ACACA: variants seen among roughly 807,000 people sequenced by gnomAD.
The protein encoded by ACACA is acetyl-CoA carboxylase alpha, also known as acetyl-CoA carboxylase 1.
A neutral mutation model predicts 296.1 loss-of-function variants in ACACA; 103 were observed. The ratio of observed to expected loss-of-function variants is 0.35; its 90% CI spans 0.30 to 0.41. The LOEUF (loss-of-function observed/expected upper bound fraction) is 0.41, where lower values mean the gene tolerates loss of function less well. Ranked by LOEUF, ACACA falls within the 10% of genes least tolerant of loss-of-function variation. The pLI is 1.00. For missense variants in ACACA, 1,554 were observed against 2,989.7 expected, an observed-to-expected ratio of 0.52 and a Z score of 11.20; for synonymous variants, 953 against 1,038.6, an observed-to-expected ratio of 0.92 and a Z score of 1.58.
intron 20 of ACACA, 96 bp from the exon 21 acceptor site, chr17:37,244,830 A>G: frequency 6.5e-7 from 1 of 1,535,366 alleles, no homozygotes; most frequent in Admixed American, 1.7e-5. Context: ...AAATCGAGAC[A>G]TCATACCCAG....
rs563421624 is a variant in ACACA, at chr17:37,203,108, C to T, written c.4057-2625G>A. On this transcript the variant is annotated intron_variant, in intron 33 of 55. Coordinates refer to ENST00000616317, the MANE Select transcript of ACACA (RefSeq NM_198834.3). Reference sequence around the variant, plus strand: ...ACCCGAGTAGCTGGCGCTACAGGCGCCCGCCACCACACCTGGCTAATTTTT... The same window carrying T: ...ACCCGAGTAGCTGGCGCTACAGGCGTCCGCCACCACACCTGGCTAATTTTT... 6.9e-3 allele frequency among the ~76,000 whole-genome samples: 1,054 copies of T among 152,022 alleles called. 3 individuals carry two copies. The highest frequency in any genetic ancestry group is 0.017 in the South Asian group (81 of 4,814).
At chr17:37,325,639 T>C (rs2047584389) in intron 3 of ACACA, among the ~76,000 whole-genome samples, 1 of 140,058 alleles carries the variant, frequency 7.1e-6, no homozygotes, top group Admixed American at 7.6e-5. Context: ...AATGGCATGA[T>C]CTCGGCTCAC....
At chr17:37,274,333 A>G (rs2082188169) in intron 8 of ACACA, 34 bp from the exon 9 acceptor site, 2 of 1,550,398 alleles carry the variant, frequency 1.3e-6, no homozygotes, top group East Asian at 2.2e-5. Context: ...GGGCAATTAC[A>G]AGATCTTCTG....
chr17:37,298,336 T>G (rs1490372077), intron 3 of ACACA, among the ~76,000 whole-genome samples: 8 of 152,156 alleles, frequency 5.3e-5, no homozygotes, highest in African/African-American at 1.4e-4. Context: ...TAGTTTAACT[T>G]TCAGTAATTT....
Position 37,225,094 on chromosome 17 carries a change from G to A in ACACA, c.3372C>T (p.Ala1124=), listed in dbSNP as rs746020706. Reference sequence around the variant, plus strand: ...GAAGCTCATATGATGGCAAATGGGAGGCAATAAGAACCTAGAGTGAGAACA... The same window carrying A: ...GAAGCTCATATGATGGCAAATGGGAAGCAATAAGAACCTAGAGTGAGAACA... The part of the protein sequence containing the change: ...VALRARQVLI[A]SHLPSYELRH... Residue 1124 remains alanine (A), a synonymous_variant, in exon 27 of 56, where the codon GCC becomes GCT. Transcript: ENST00000616317. The A allele has an allele frequency of 1.9e-6, 3 of 1,606,718 alleles. No homozygotes were observed. Among genetic ancestry groups the A allele is most frequent in the Admixed American group, 3.3e-5 (2 of 59,960 alleles).
At chr17:37,245,015 G>T in intron 20 of ACACA, 65 bp downstream of exon 20, 2 of 1,607,236 alleles carry the variant, frequency 1.2e-6, no homozygotes, top group Non-Finnish European at 1.7e-6. Context: ...GAAATCACTT[G>T]CCTCTCCAAA....
chr17:37,244,058 C>T (rs966307371), intron 21 of ACACA, among the ~76,000 whole-genome samples: 1 of 151,982 alleles, frequency 6.6e-6, no homozygotes, highest in African/African-American at 2.4e-5. Context: ...CCCCTATTCT[C>T]CAGTTTAAAA....
intron 47 of ACACA, among the ~76,000 whole-genome samples, chr17:37,128,710 A>G (rs1231133647): frequency 6.6e-6 from 1 of 152,226 alleles, no homozygotes; most frequent in Non-Finnish European, 1.5e-5. Flanking sequence ...AAGTTAGGTA[A>G]AAGACAAAGC....
chr17:37,094,028 CT>C (rs2072816285), intron 54 of ACACA, among the ~76,000 whole-genome samples: 1 of 152,172 alleles, frequency 6.6e-6, no homozygotes, highest in South Asian at 2.1e-4. Context: ...ATAAATCAGC[CT>C]GTTTGAAAAA....
chr17:37,128,023 T>TA (rs2074890198), intron 47 of ACACA, among the ~76,000 whole-genome samples: 7 of 22,530 alleles, frequency 3.1e-4, no homozygotes, highest in Admixed American at 6.3e-4. Context: ...AAACTCCATC[T>TA]CAAAAAAAAA....
chr17:37,314,795 C>T (rs1453246146), intron 3 of ACACA, among the ~76,000 whole-genome samples: 1 of 151,454 alleles, frequency 6.6e-6, no homozygotes, highest in Non-Finnish European at 1.5e-5. Flanking sequence ...TACATGTCCC[C>T]ATGCCCGGGT....
At chr17:37,116,900 C>G (rs2074283300) in intron 50 of ACACA, among the ~76,000 whole-genome samples, 1 of 152,198 alleles carries the variant, frequency 6.6e-6, no homozygotes, top group African/African-American at 2.4e-5. Context: ...AAGCTATGCA[C>G]GTGCTGTCAA....
chr17:37,164,452 A>C (rs976413938), intron 41 of ACACA, among the ~76,000 whole-genome samples: 5 of 152,230 alleles, frequency 3.3e-5, no homozygotes, highest in African/African-American at 1.2e-4. Flanking sequence ...TAAGCTATTT[A>C]ATATATCATA....
At chr17:37,246,674 C>T in intron 19 of ACACA, 152 bp downstream of exon 19, 1 of 1,025,256 alleles carries the variant, frequency 9.8e-7, no homozygotes, top group Non-Finnish European at 1.5e-6. Context: ...CTCAAGCGAT[C>T]TTCCTGCCTC....
chr17:37,286,371 T>C (rs895544681), intron 3 of ACACA, among the ~76,000 whole-genome samples: 3 of 152,206 alleles, frequency 2.0e-5, no homozygotes, highest in Non-Finnish European at 4.4e-5. Context: ...GTGTTCTCTT[T>C]GTAAAATATG....
Position 37,240,459 on chromosome 17 carries a change from C to T in ACACA, c.3121+17G>A. On this transcript the variant is annotated intron_variant, in intron 24 of 55. Transcript: ENST00000616317. ...TCAAGGCTTTCTTAGCTAGAGAGTC[C>T]TCAGGAAGAGGCTTACCATTCTGGA... 6.2e-7 allele frequency: 1 copy of T among 1,611,530 alleles called. No individual in the cohort carries two copies. The highest frequency in any genetic ancestry group is 8.5e-7 in the Non-Finnish European group (1 of 1,178,816).
At chr17:37,149,996 C>T (rs769973807) in intron 44 of ACACA, 22 bp from the exon 45 acceptor site, 1 of 1,601,632 alleles carries the variant, frequency 6.2e-7, no homozygotes, top group East Asian at 2.2e-5. Flanking sequence ...ATAAATTCTA[C>T]ATGTCACATA....
At chr17:37,182,137 T>C (rs1034014674) in intron 39 of ACACA, among the ~76,000 whole-genome samples, 2 of 151,966 alleles carry the variant, frequency 1.3e-5, no homozygotes, top group Admixed American at 1.3e-4. Context: ...AGATCAAGAC[T>C]CTAGTATATC....
intron 41 of ACACA, among the ~76,000 whole-genome samples, chr17:37,174,139 G>A (rs887365258): frequency 2.0e-5 from 3 of 146,368 alleles, no homozygotes; most frequent in African/African-American, 7.6e-5. Flanking sequence ...GGGATTACAG[G>A]CATGCGCCAC....
Sources: gnomAD v4.1 joint callset for allele counts (sites outside exome capture counted in the v4.1 genomes callset) on GRCh38, gnomAD v4.1.1 for gene constraint, MANE v1.5 for transcripts, NCBI Gene and HGNC (gene_info 2026-07-23, HGNC 2026-07-21) for gene names.